The following PIK3C2A variants were observed in gnomAD, a reference collection of about 807,000 sequenced individuals.
PIK3C2A encodes phosphatidylinositol 4-phosphate 3-kinase C2 domain-containing subunit alpha.
A neutral mutation model predicts 204.5 loss-of-function variants in PIK3C2A; 97 were observed. The observed-to-expected ratio is 0.47, with a 90% confidence interval of 0.40 to 0.56. PIK3C2A has a LOEUF of 0.56. Among genes scored for constraint, PIK3C2A ranks in the 20% least tolerant of loss-of-function variants. The probability of loss-of-function intolerance (pLI) is 0.00; values close to 1 mark genes in which losing one functional copy is unlikely to be tolerated. For missense variants in PIK3C2A, 1,735 were observed against 1,969.2 expected, an observed-to-expected ratio of 0.88 and a Z score of 2.25; for synonymous variants, 653 against 664.4, an observed-to-expected ratio of 0.98 and a Z score of 0.26.
At chr11:17,123,658 G>C (rs1215559069) in intron 13 of PIK3C2A, among the ~76,000 whole-genome samples, 1 of 152,030 alleles carries the variant, frequency 6.6e-6, no homozygotes, top group Non-Finnish European at 1.5e-5. Flanking sequence ...GGACCATAAA[G>C]TCTCTGCTGC....
intron 1 of PIK3C2A, among the ~76,000 whole-genome samples, chr11:17,178,676 T>A (rs1220955432): frequency 6.6e-6 from 1 of 151,326 alleles, no homozygotes; most frequent in Non-Finnish European, 1.5e-5. Context: ...GTAGCTGGGA[T>A]TACAGGCGCT....
chr11:17,108,246 T>C (rs778171313), intron 22 of PIK3C2A, among the ~76,000 whole-genome samples: 16 of 152,140 alleles, frequency 1.1e-4, no homozygotes, highest in Non-Finnish European at 2.2e-4. Context: ...AATTGAAAAG[T>C]AGTGTATCAA....
At chr11:17,100,933 T>C (rs1848606189) in intron 25 of PIK3C2A, among the ~76,000 whole-genome samples, 1 of 152,230 alleles carries the variant, frequency 6.6e-6, no homozygotes, top group African/African-American at 2.4e-5. Flanking sequence ...ATCTTCATTG[T>C]ACAGCTGAGT....
chr11:17,127,711 C>T (rs149143207), intron 13 of PIK3C2A, among the ~76,000 whole-genome samples: 305 of 152,108 alleles, frequency 2.0e-3, no homozygotes, highest in African/African-American at 7.1e-3. Context: ...TGATTACTGG[C>T]AAATCAAATG....
At chr11:17,164,508 G>A (rs926224268) in intron 2 of PIK3C2A, among the ~76,000 whole-genome samples, 5 of 152,174 alleles carry the variant, frequency 3.3e-5, no homozygotes, top group African/African-American at 1.2e-4. Flanking sequence ...CTTAAGACTG[G>A]CAAGTAGCCT....
rs771226745 is a variant in PIK3C2A at position 17,169,601 on chromosome 11, T to C, written c.141A>G (p.Gln47=). Reference sequence around the variant, plus strand: ...CAAAGCCTCTCTGATTGTCAGTCACTTGTCTATCCTTTTGCAGTTTTGCTA... The same window carrying C: ...CAAAGCCTCTCTGATTGTCAGTCACCTGTCTATCCTTTTGCAGTTTTGCTA... The part of the protein sequence containing the change: ...EALAKLQKDR[Q]VTDNQRGFEL... The change falls in exon 2 of 33, where the codon CAA becomes CAG. Residue 47 remains glutamine, a synonymous_variant. Coordinates refer to ENST00000691414, the MANE Select transcript of PIK3C2A (RefSeq NM_002645.4). 3.1e-6 allele frequency: 5 copies of C among 1,614,142 alleles called. No individual in the cohort carries two copies. In the South Asian group the frequency reaches 3.3e-5, roughly 11 times the overall value.
intron 3 of PIK3C2A, among the ~76,000 whole-genome samples, chr11:17,155,054 T>A (rs1850536975): frequency 6.6e-6 from 1 of 152,220 alleles, no homozygotes; most frequent in African/African-American, 2.4e-5. Flanking sequence ...TCACCTATAA[T>A]GAATGTTAGA....
chr11:17,100,212 T>A (rs1423398439), intron 25 of PIK3C2A, among the ~76,000 whole-genome samples: 3 of 127,688 alleles, frequency 2.3e-5, no homozygotes, highest in Non-Finnish European at 4.7e-5. Flanking sequence ...ACCTGTGAGA[T>A]CCAGATCTCC....
intron 13 of PIK3C2A, among the ~76,000 whole-genome samples, chr11:17,126,709 C>T (rs1410273757): frequency 6.6e-6 from 1 of 152,186 alleles, no homozygotes; most frequent in African/African-American, 2.4e-5. Context: ...TTACCAAGAT[C>T]GCCTGCACTA....
intron 1 of PIK3C2A, among the ~76,000 whole-genome samples, chr11:17,190,524 T>C (rs1255850300): frequency 3.3e-5 from 5 of 150,454 alleles, no homozygotes; most frequent in Non-Finnish European, 5.9e-5. Context: ...TGAGCCGAGA[T>C]TGCGCCACTG....
chr11:17,191,005 T>C (rs1851921718), intron 1 of PIK3C2A, among the ~76,000 whole-genome samples: 1 of 152,066 alleles, frequency 6.6e-6, no homozygotes, highest in Non-Finnish European at 1.5e-5. Context: ...CCAAGCAGGA[T>C]AAAAATATAC....
At position 17,182,567 on chromosome 11, in the gene PIK3C2A, C is replaced by CAAAA. The variant is rs11453658; in HGVS notation, c.-65-12765_-65-12762dup. 1.2e-3 allele frequency among the ~76,000 whole-genome samples: 109 copies of CAAAA among 91,788 alleles called. 1 individual carries two copies. The highest frequency in any genetic ancestry group is 3.7e-3 in the African/African-American group (103 of 28,152). 60.2% of individuals were successfully genotyped at this position (91,788 alleles called of 152,430 possible). The stretch of plus-strand genomic sequence containing the variant: ...TGGACGACAGAACAAGACCCTGTCT[C>CAAAA]AAAAAAAAAAAAAAAAAAAGTTCGA... On this transcript the variant is annotated intron_variant, in intron 1 of 32. Transcript: ENST00000691414.
intron 1 of PIK3C2A, among the ~76,000 whole-genome samples, chr11:17,194,822 T>C (rs528369889): frequency 1.3e-5 from 2 of 151,872 alleles, no homozygotes; most frequent in South Asian, 4.2e-4. Context: ...GGCAGGAGGA[T>C]TGCTTGAACC....
chr11:17,179,398 G>A (rs958359872), intron 1 of PIK3C2A, among the ~76,000 whole-genome samples: 5 of 152,054 alleles, frequency 3.3e-5, no homozygotes, highest in African/African-American at 9.7e-5. Context: ...CTGGCTCAAA[G>A]CAATCCTCTC....
At position 17,136,417 on chromosome 11, in the gene PIK3C2A, G is replaced by A; in HGVS notation, c.1848+65C>T. The A allele has an allele frequency of 2.4e-6, 3 of 1,247,414 alleles. 1 individual carries two copies. The highest frequency in any genetic ancestry group is 2.6e-5 in the South Asian group (2 of 77,978). The allele number at this position is 1,247,414 out of a possible 1,614,324, so 77.3% of individuals were successfully genotyped here. A position where few individuals can be genotyped will look rare whatever the true frequency, so the allele number is the denominator to read the frequency against. Reference sequence around the variant, plus strand: ...ATGACAATATTTTGTCTAGGATAAGGCAAAAATCTCCTGTTTAAGTACATA... The same window carrying A: ...ATGACAATATTTTGTCTAGGATAAGACAAAAATCTCCTGTTTAAGTACATA... On this transcript the variant is annotated intron_variant, in intron 9 of 32. Coordinates refer to ENST00000691414, the MANE Select transcript of PIK3C2A (RefSeq NM_002645.4).
At chr11:17,142,244 AG>A (rs1470315349) in intron 8 of PIK3C2A, among the ~76,000 whole-genome samples, 5 of 152,306 alleles carry the variant, frequency 3.3e-5, no homozygotes, top group Admixed American at 1.3e-4. Context: ...GATGTGGAAA[AG>A]GTTAAGGTTA....
At chr11:17,093,114 C>T (rs1426449358) in intron 28 of PIK3C2A, among the ~76,000 whole-genome samples, 1 of 152,166 alleles carries the variant, frequency 6.6e-6, no homozygotes, top group Non-Finnish European at 1.5e-5. Flanking sequence ...ACCCACTTCA[C>T]CTCATCCTCA....
rs1170360443 is a variant in PIK3C2A at position 17,097,267 on chromosome 11, A to T, written c.4119-3T>A. ...TTCCCAAACTTGATTCAATAAGCCT[A>T]CAAAATAATCAGAAAATTCGTTAAC... is the stretch of plus-strand genomic sequence containing the variant. On this transcript the variant is annotated splice_region_variant and splice_polypyrimidine_tract_variant and intron_variant, in intron 26 of 32. Transcript: ENST00000691414. 1 of 1,593,354 alleles carries T rather than the reference A, an allele frequency of 6.3e-7. No homozygotes were observed. Among genetic ancestry groups the T allele is most frequent in the Non-Finnish European group, 8.6e-7 (1 of 1,163,050 alleles).
chr11:17,130,509 A>C (rs901155751), intron 12 of PIK3C2A, among the ~76,000 whole-genome samples: 1 of 152,176 alleles, frequency 6.6e-6, no homozygotes, highest in Non-Finnish European at 1.5e-5. Flanking sequence ...CCTTAGTTTA[A>C]AAACACTATT....
Sources: gnomAD v4.1 joint callset for allele counts (sites outside exome capture counted in the v4.1 genomes callset) on GRCh38, gnomAD v4.1.1 for gene constraint, MANE v1.5 for transcripts, NCBI Gene and HGNC (gene_info 2026-07-23, HGNC 2026-07-21) for gene names.